The following RGS7BP variants were observed in gnomAD, a reference collection of about 807,000 sequenced individuals.
The protein encoded by RGS7BP is regulator of G protein signaling 7-binding protein.
A neutral mutation model predicts 31.3 loss-of-function variants in RGS7BP; 9 were observed. The observed-to-expected ratio is 0.29, with a 90% CI of 0.17 to 0.50. The LOEUF (loss-of-function observed/expected upper bound fraction) is 0.50, where lower values mean the gene tolerates loss of function less well. Among genes scored for constraint, RGS7BP ranks in the 20% least tolerant of loss-of-function variants. The pLI is 0.98. For synonymous variants in RGS7BP, 115 were observed against 120.1 expected, an observed-to-expected ratio of 0.96 and a Z score of 0.28; for missense variants, 274 against 322.0, an observed-to-expected ratio of 0.85 and a Z score of 1.14.
In RGS7BP at chr5:64,543,209, T is replaced by C. The variant is rs1364820599; in HGVS notation, c.333-32565T>C. 1.3e-5 allele frequency among the ~76,000 whole-genome samples: 2 copies of C among 152,232 alleles called. 1 individual carries two copies. Among genetic ancestry groups the C allele is most frequent in the East Asian group, 3.8e-4 (2 of 5,202 alleles). On this transcript the variant is annotated intron_variant, in intron 2 of 5. Transcript: ENST00000334025. Reference sequence around the variant, plus strand: ...ATGACCATGTTATCTATATTTTGTGTATTGAGCCAGACTGTTGAATGTTGG... The same window carrying C: ...ATGACCATGTTATCTATATTTTGTGCATTGAGCCAGACTGTTGAATGTTGG...
chr5:64,521,105 G>A (rs1248797749), intron 2 of RGS7BP, among the ~76,000 whole-genome samples: 1 of 152,122 alleles, frequency 6.6e-6, no homozygotes, highest in East Asian at 1.9e-4. Flanking sequence ...ATGACTGATT[G>A]TTAGGGCTTC....
chr5:64,549,157 G>A (rs1325075256), intron 2 of RGS7BP, among the ~76,000 whole-genome samples: 1 of 152,088 alleles, frequency 6.6e-6, no homozygotes, highest in Non-Finnish European at 1.5e-5. Flanking sequence ...TTCATCCTGA[G>A]GCAGAATTCC....
rs371003261 is a variant in RGS7BP, at chr5:64,598,338, T to G, written c.612-27T>G. 21 of 1,306,734 alleles carry G rather than the reference T, an allele frequency of 1.6e-5. No homozygotes were observed. In the African/African-American group the frequency reaches 3.0e-4, roughly 19 times the overall value. The allele number at this position is 1,306,734 out of a possible 1,614,324, so 80.9% of individuals were successfully genotyped here. On this transcript the variant is annotated intron_variant, in intron 4 of 5. Transcript: ENST00000334025. ...TTCATTTTGAAAATTTACAGCTGAT[T>G]ATTCTGTCTTTTTATCAATTTTACA...
chr5:64,522,162 T>C (rs539787955), intron 2 of RGS7BP, among the ~76,000 whole-genome samples: 3 of 152,286 alleles, frequency 2.0e-5, no homozygotes, highest in Admixed American at 1.3e-4. Context: ...GTGACCATAA[T>C]TTGGCAATGT....
chr5:64,518,660 T>A (rs1436072076), intron 2 of RGS7BP, among the ~76,000 whole-genome samples: 1 of 152,300 alleles, frequency 6.6e-6, no homozygotes, highest in South Asian at 2.1e-4. Flanking sequence ...TTTGGAATTA[T>A]CTTCAGCTGG....
rs1311581736 is a variant in RGS7BP at position 64,506,453 on chromosome 5, C to T, written c.-172C>T. The stretch of plus-strand genomic sequence containing the variant: ...CTGCACGGCACAGCTAGCGCTTCCC[C>T]GGCTCTCCTTCAAGCTGAAGGTTAC... On this transcript the variant is annotated 5_prime_UTR_variant, in exon 1 of 6. Coordinates refer to ENST00000334025, the MANE Select transcript of RGS7BP (RefSeq NM_001029875.3). This position sits in a 1 kb window ranked among gnomAD's most constrained non-coding sequence, Gnocchi z 4.6. 2.1e-6 allele frequency: 1 copy of T among 487,132 alleles called. No homozygotes were observed. The highest frequency in any genetic ancestry group is 3.2e-5 in the East Asian group (1 of 31,426). The allele number at this position is 487,132 out of a possible 1,614,324, so 30.2% of individuals were successfully genotyped here. A position where few individuals can be genotyped will look rare whatever the true frequency, so the allele number is the denominator to read the frequency against.
At chr5:64,542,717 A>G (rs1451205665) in intron 2 of RGS7BP, among the ~76,000 whole-genome samples, 1 of 152,220 alleles carries the variant, frequency 6.6e-6, no homozygotes, top group Non-Finnish European at 1.5e-5. Flanking sequence ...GTAAAAGGAA[A>G]CATTTTACAT....
chr5:64,598,698 T>G (rs1224470602), intron 5 of RGS7BP, among the ~76,000 whole-genome samples: 1 of 152,160 alleles, frequency 6.6e-6, no homozygotes, highest in Non-Finnish European at 1.5e-5. Context: ...GAAAGCACCA[T>G]GCCAGGCACA....
intron 3 of RGS7BP, among the ~76,000 whole-genome samples, chr5:64,591,040 CAT>C (rs1179014109): frequency 6.6e-6 from 1 of 151,942 alleles, no homozygotes; most frequent in Non-Finnish European, 1.5e-5. Flanking sequence ...TACTAAAAGA[CAT>C]AAAAGATGAA....
intron 2 of RGS7BP, among the ~76,000 whole-genome samples, chr5:64,557,170 C>T (rs1007498270): frequency 4.6e-5 from 7 of 152,086 alleles, no homozygotes; most frequent in Non-Finnish European, 1.0e-4. Flanking sequence ...TCCTGCTCAC[C>T]TAAATTCTTG....
chr5:64,533,840 C>A (rs995243335), intron 2 of RGS7BP, among the ~76,000 whole-genome samples: 1 of 152,188 alleles, frequency 6.6e-6, no homozygotes, highest in Non-Finnish European at 1.5e-5. Context: ...ATTATTCCTT[C>A]AACAAAGATG....
In RGS7BP at chr5:64,506,605, G is replaced by A; in HGVS notation, c.-20G>A. ...CGGGGCGCACTGCACCAGCGGCTTC[G>A]GCTTGGTGGATGTGTATGCATGAGT... On this transcript the variant is annotated 5_prime_UTR_variant, in exon 1 of 6. Transcript: ENST00000334025. This position sits in a 1 kb window ranked among gnomAD's most constrained non-coding sequence, Gnocchi z 4.6. 1.3e-6 allele frequency: 2 copies of A among 1,570,578 alleles called. 1 individual carries two copies. Among genetic ancestry groups the A allele is most frequent in the South Asian group, 2.3e-5 (2 of 88,816 alleles).
intron 2 of RGS7BP, among the ~76,000 whole-genome samples, chr5:64,572,284 T>C (rs894993114): frequency 9.2e-5 from 14 of 152,336 alleles, no homozygotes; most frequent in Middle Eastern, 3.4e-3. Context: ...CTTACTCATT[T>C]GTTATGAAAA....
chr5:64,554,613 G>T (rs898459787), intron 2 of RGS7BP, among the ~76,000 whole-genome samples: 5 of 152,038 alleles, frequency 3.3e-5, no homozygotes, highest in Non-Finnish European at 7.4e-5. Flanking sequence ...ATACATCTCG[G>T]GAATCTACAG....
intron 2 of RGS7BP, among the ~76,000 whole-genome samples, chr5:64,543,702 G>T (rs1172204168): frequency 6.6e-6 from 1 of 152,206 alleles, no homozygotes; most frequent in African/African-American, 2.4e-5. Flanking sequence ...AAAATGACAG[G>T]TTGTAGGAGC....
chr5:64,580,219 G>A (rs1216622461), intron 3 of RGS7BP, among the ~76,000 whole-genome samples: 5 of 152,146 alleles, frequency 3.3e-5, no homozygotes, highest in African/African-American at 1.2e-4. Flanking sequence ...AACCCTTGAA[G>A]CTTGGAGCAC....
intron 3 of RGS7BP, among the ~76,000 whole-genome samples, chr5:64,576,654 T>C (rs534740371): frequency 7.9e-5 from 12 of 152,288 alleles, no homozygotes; most frequent in African/African-American, 2.6e-4. Flanking sequence ...TCACTGTAGA[T>C]AGCGGGGAGG....
In RGS7BP at chr5:64,506,661, A is replaced by C. The variant is rs1429298095; in HGVS notation, c.37A>C (p.Ser13Arg). The C allele has an allele frequency of 2.5e-6, 4 of 1,612,344 alleles. No homozygotes were observed. Among genetic ancestry groups the C allele is most frequent in the Non-Finnish European group, 3.4e-6 (4 of 1,178,814 alleles). Residue 13 changes from serine to arginine, a missense_variant, in exon 1 of 6, where the codon AGC becomes CGC. This residue lies in a region of RGS7BP where 149 missense variants were observed against 152.6 expected (regional missense o/e 0.98). Coordinates refer to ENST00000334025, the MANE Select transcript of RGS7BP (RefSeq NM_001029875.3). This position sits in a 1 kb window ranked among gnomAD's most constrained non-coding sequence, Gnocchi z 4.6. ...ACCGAATGGGCGCAAAAAGCGCCCC[A>C]GCCGGTCCACCCGCTCCTCGATCTT... ...SAPNGRKKRPSRSTRSSIFQI... is the reference protein window; with the variant it reads ...SAPNGRKKRPRRSTRSSIFQI...
chr5:64,521,621 T>G (rs920106557), intron 2 of RGS7BP, among the ~76,000 whole-genome samples: 1 of 152,202 alleles, frequency 6.6e-6, no homozygotes, highest in African/African-American at 2.4e-5. Context: ...TTATACCATA[T>G]TCCTATTTTT....
Sources: gnomAD v4.1 joint callset for allele counts (sites outside exome capture counted in the v4.1 genomes callset) on GRCh38, gnomAD v4.1.1 for gene constraint, gnomAD v4.1.1 regional missense constraint, Gnocchi (gnomAD v3.1) non-coding constraint, MANE v1.5 for transcripts, NCBI Gene and HGNC (gene_info 2026-07-23, HGNC 2026-07-21) for gene names.